The following FRMD4A variants were observed in gnomAD, a reference collection of about 807,000 sequenced individuals.
FRMD4A encodes FERM domain containing 4A, also known as FERM domain-containing protein 4A.
A neutral mutation model predicts 129.1 loss-of-function variants in FRMD4A; 29 were observed. That is an observed-to-expected ratio of 0.22 (90% CI 0.17 to 0.31). FRMD4A has a LOEUF of 0.31. Among genes scored for constraint, FRMD4A ranks in the 10% least tolerant of loss-of-function variants. The pLI is 1.00. For missense variants in FRMD4A, 1,272 were observed against 1,375.8 expected, an observed-to-expected ratio of 0.92 and a Z score of 1.19; for synonymous variants, 634 against 571.6, an observed-to-expected ratio of 1.11 and a Z score of -1.56.
chr10:13,920,629 G>A (rs901928538), intron 2 of FRMD4A, among the ~76,000 whole-genome samples: 4 of 152,156 alleles, frequency 2.6e-5, no homozygotes, highest in Non-Finnish European at 4.4e-5. Context: ...CACTTGTGTC[G>A]AAAGGGTATT....
At chr10:14,125,901 AAAACAGGGTACAACACAGTATGATAG>A (rs879871860) in intron 2 of FRMD4A, among the ~76,000 whole-genome samples, 1,973 of 152,328 alleles carry the variant, frequency 0.013, 18 homozygotes, top group Middle Eastern at 0.024. Context: ...AAACAAAACA[AAAACAGGGTACAACACAGTATGATAG>A]AAGCAAACAA....
At position 14,330,088 on chromosome 10, in the gene FRMD4A, C is replaced by G. The variant is rs776111084; in HGVS notation, c.15G>C (p.Leu5=). 7.7e-6 allele frequency: 12 copies of G among 1,553,360 alleles called. No individual in the cohort carries two copies. The highest frequency in any genetic ancestry group is 9.6e-6 in the Non-Finnish European group (11 of 1,147,870). Residue 5 remains leucine (L), a synonymous_variant, in exon 2 of 25, where the codon CTG becomes CTC. Transcript: ENST00000357447. ...GCAGGCCGAGAGCTGAGTCGGGCAC[C>G]AGCTGCACTGCCATGGTCTCCGATT... MAVQ[L]VPDSALGLLM...
intron 2 of FRMD4A, among the ~76,000 whole-genome samples, chr10:14,141,044 G>A (rs1327880761): frequency 1.3e-5 from 2 of 152,062 alleles, no homozygotes; most frequent in Non-Finnish European, 2.9e-5. Context: ...GGGAGGTGGA[G>A]CACAGGCCTG....
chr10:13,651,582 AGAATCGCTT>A lies in FRMD4A; in HGVS notation c.*2+312_*2+320del, dbSNP rs553960183. On this transcript the variant is annotated intron_variant, in intron 24 of 24. Transcript: ENST00000357447. The stretch of plus-strand genomic sequence containing the variant: ...CACCTGTAGCTACTAGGGAGCCAGG[AGAATCGCTT>A]GAACCTGGGAGGCAGAGGTTGCAGT... 138 of 270,870 alleles carry A rather than the reference AGAATCGCTT, an allele frequency of 5.1e-4. 1 individual carries two copies. Among genetic ancestry groups the A allele is most frequent in the African/African-American group, 2.1e-3 (97 of 45,136 alleles). The allele number at this position is 270,870 out of a possible 1,614,324, so 16.8% of individuals were successfully genotyped here. A position where few individuals can be genotyped will look rare whatever the true frequency, so the allele number is the denominator to read the frequency against.
intron 2 of FRMD4A, among the ~76,000 whole-genome samples, chr10:14,252,430 T>A (rs1215270919): frequency 1.3e-5 from 2 of 152,256 alleles, no homozygotes; most frequent in Admixed American, 1.3e-4. Flanking sequence ...TCATGTCTCT[T>A]TAGTAACAGT....
chr10:13,982,797 A>G (rs2131407295), intron 2 of FRMD4A, among the ~76,000 whole-genome samples: 1 of 152,320 alleles, frequency 6.6e-6, no homozygotes, highest in South Asian at 2.1e-4. Flanking sequence ...GTATGATCAA[A>G]TAAATTTGTA....
intron 2 of FRMD4A, among the ~76,000 whole-genome samples, chr10:13,884,144 TCTC>T (rs2094581105): frequency 9.5e-6 from 1 of 105,098 alleles, no homozygotes; most frequent in African/African-American, 4.1e-5. Flanking sequence ...TCACACACAC[TCTC>T]ACACACTCTC....
chr10:13,708,310 C>A (rs2087676845), intron 12 of FRMD4A, among the ~76,000 whole-genome samples: 1 of 152,190 alleles, frequency 6.6e-6, no homozygotes. Context: ...TCTGACCCAC[C>A]CTGTCTTCCC....
Position 13,659,434 on chromosome 10 carries a change from T to C in FRMD4A, c.1955A>G (p.Asn652Ser), listed in dbSNP as rs757939151. The part of the protein sequence containing the change: ...GSCAEAGGGS[N>S]SLQNSPIRGL... ...GCGGATGGGGCTGTTCTGCAAGGAGTTGCTTCCTCCGCCGGCTTCCGCACA... is the reference window on the plus strand; with the variant it reads ...GCGGATGGGGCTGTTCTGCAAGGAGCTGCTTCCTCCGCCGGCTTCCGCACA... The change falls in exon 21 of 25, where the codon AAC becomes AGC. Residue 652 changes from asparagine to serine, a missense_variant. Transcript: ENST00000357447. 2.7e-5 allele frequency: 43 copies of C among 1,613,572 alleles called. No homozygotes were observed. Among genetic ancestry groups the C allele is most frequent in the Non-Finnish European group, 3.6e-5 (42 of 1,179,934 alleles).
At chr10:14,278,613 C>T (rs1206696765) in intron 2 of FRMD4A, among the ~76,000 whole-genome samples, 1 of 152,106 alleles carries the variant, frequency 6.6e-6, no homozygotes. Flanking sequence ...AACAAAAGCC[C>T]AAAGAAGCGG....
chr10:13,688,341 G>A (rs58943973), intron 15 of FRMD4A, among the ~76,000 whole-genome samples: 1 of 151,884 alleles, frequency 6.6e-6, no homozygotes, highest in Non-Finnish European at 1.5e-5. Context: ...GGGAATTGAA[G>A]AATGAGAACA....
intron 4 of FRMD4A, among the ~76,000 whole-genome samples, chr10:13,808,655 C>A (rs1355391923): frequency 6.6e-6 from 1 of 152,228 alleles, no homozygotes; most frequent in African/African-American, 2.4e-5. Context: ...CAGGAGCCAG[C>A]TCTTCACCTC....
chr10:14,267,127 T>G (rs1845006838), intron 2 of FRMD4A, among the ~76,000 whole-genome samples: 1 of 152,194 alleles, frequency 6.6e-6, no homozygotes, highest in Admixed American at 6.5e-5. Flanking sequence ...ATTCTACAAA[T>G]AGAGTCTATG....
At chr10:13,855,047 T>A (rs1484699261) in intron 3 of FRMD4A, among the ~76,000 whole-genome samples, 1 of 152,150 alleles carries the variant, frequency 6.6e-6, no homozygotes, top group Non-Finnish European at 1.5e-5. Flanking sequence ...CCTCCCCTAC[T>A]GTGAGTAACG....
chr10:14,140,487 C>T (rs750593777), intron 2 of FRMD4A, among the ~76,000 whole-genome samples: 6 of 152,216 alleles, frequency 3.9e-5, no homozygotes. Context: ...TCCCTCATAT[C>T]ATTTGGGAGG....
At chr10:13,996,032 G>A (rs751483607) in intron 2 of FRMD4A, among the ~76,000 whole-genome samples, 1 of 152,154 alleles carries the variant, frequency 6.6e-6, no homozygotes, top group Non-Finnish European at 1.5e-5. Flanking sequence ...AAGCTGGAAA[G>A]TCTAATATTA....
In FRMD4A at chr10:14,039,501, T is replaced by C. The variant is rs192342807; in HGVS notation, c.46-180589A>G. Among the ~76,000 whole-genome samples, 50 of 150,676 alleles carry C rather than the reference T, an allele frequency of 3.3e-4. 1 individual carries two copies. Among genetic ancestry groups the C allele is most frequent in the Admixed American group, 3.2e-3 (48 of 15,112 alleles). On this transcript the variant is annotated intron_variant, in intron 2 of 24. Coordinates refer to ENST00000357447, the MANE Select transcript of FRMD4A (RefSeq NM_018027.5). ...ATCTATCTATCTATCTATCTATCTA[T>C]CTATCTATCTATCTATCTATCATCT...
chr10:13,977,413 A>G (rs1449900870), intron 2 of FRMD4A, among the ~76,000 whole-genome samples: 1 of 152,234 alleles, frequency 6.6e-6, no homozygotes, highest in African/African-American at 2.4e-5. Context: ...AATGCTGGGT[A>G]GCAGTAGTGT....
chr10:14,271,951 G>A (rs1248029026), intron 2 of FRMD4A, among the ~76,000 whole-genome samples: 1 of 151,810 alleles, frequency 6.6e-6, no homozygotes, highest in African/African-American at 2.4e-5. Flanking sequence ...AGCTTACTCA[G>A]TACATTATAA....
Sources: gnomAD v4.1 joint callset for allele counts (sites outside exome capture counted in the v4.1 genomes callset) on GRCh38, gnomAD v4.1.1 for gene constraint, MANE v1.5 for transcripts, NCBI Gene and HGNC (gene_info 2026-07-23, HGNC 2026-07-21) for gene names.